KDM4C: variants seen among roughly 807,000 people sequenced by gnomAD.
KDM4C encodes lysine demethylase 4C.
KDM4C carries 81 observed loss-of-function variants against 129.3 expected under a neutral mutation model. The ratio of observed to expected loss-of-function variants is 0.63; its 90% CI spans 0.52 to 0.75. KDM4C has a LOEUF of 0.75. Among genes scored for constraint, KDM4C ranks in the 30% least tolerant of loss-of-function variants. The probability of loss-of-function intolerance (pLI) is 0.00; values close to 1 mark genes in which losing one functional copy is unlikely to be tolerated. For missense variants in KDM4C, 1,457 were observed against 1,304.0 expected (o/e 1.12, Z -1.81); for synonymous variants, 573 against 456.1 (o/e 1.26, Z -3.26).
At chr9:6,975,895 G>A (rs1310479290) in intron 8 of KDM4C, among the ~76,000 whole-genome samples, 2 of 152,122 alleles carry the variant, frequency 1.3e-5, no homozygotes, top group African/African-American at 4.8e-5. Context: ...AAAATTAGCC[G>A]AGCGTGGTGG....
At chr9:6,957,884 C>T (rs1047599980) in intron 8 of KDM4C, among the ~76,000 whole-genome samples, 11 of 152,028 alleles carry the variant, frequency 7.2e-5, no homozygotes, top group African/African-American at 1.9e-4. Flanking sequence ...AAACACAATT[C>T]GAGTACATAT....
chr9:6,721,743 C>T (rs888540160), intron 1 of KDM4C, among the ~76,000 whole-genome samples: 3 of 152,018 alleles, frequency 2.0e-5, no homozygotes, highest in Non-Finnish European at 4.4e-5. Context: ...TGCCTGCCGC[C>T]ACGCCCGGCT....
intron 15 of KDM4C, among the ~76,000 whole-genome samples, chr9:7,019,544 A>G (rs536006667): frequency 2.9e-4 from 44 of 151,770 alleles, no homozygotes; most frequent in Non-Finnish European, 5.9e-5. Context: ...ACGTGATTAT[A>G]CAACAAATTT....
chr9:6,975,076 C>G (rs932000770), intron 8 of KDM4C: 1 of 152,204 alleles, frequency 6.6e-6, no homozygotes, highest in Admixed American at 6.5e-5. Context: ...TCTCATGGGT[C>G]AGAAAGATTG....
At chr9:6,885,089 T>G (rs1229952817) in intron 6 of KDM4C, among the ~76,000 whole-genome samples, 2 of 152,218 alleles carry the variant, frequency 1.3e-5, no homozygotes, top group East Asian at 3.8e-4. Flanking sequence ...TACAGTGGTG[T>G]AATTAATAAA....
intron 5 of KDM4C, among the ~76,000 whole-genome samples, chr9:6,874,390 CT>C (rs1228780576): frequency 1.3e-5 from 2 of 152,080 alleles, no homozygotes; most frequent in Non-Finnish European, 2.9e-5. Context: ...TTTTAAAGGG[CT>C]TTTTACCTCC....
Position 6,729,992 on chromosome 9 carries a change from C to G in KDM4C, c.49+8995C>G, listed in dbSNP as rs1817265125. The stretch of plus-strand genomic sequence containing the variant: ...GGATGCGGTGGTGCACGCCTGTAGT[C>G]CGAACTACTCTGCAGGCTGAGGCAG... On this transcript the variant is annotated intron_variant, in intron 1 of 17. Coordinates refer to the KDM4C transcript ENST00000536108. 1.6e-5 allele frequency among the ~76,000 whole-genome samples: 2 copies of G among 127,954 alleles called. 1 individual carries two copies. 83.9% of individuals were successfully genotyped at this position (127,954 alleles called of 152,430 possible).
At chr9:7,148,261 A>T (rs1161752035) in intron 19 of KDM4C, among the ~76,000 whole-genome samples, 1 of 152,216 alleles carries the variant, frequency 6.6e-6, no homozygotes, top group Non-Finnish European at 1.5e-5. Context: ...TGGCTTGGGG[A>T]ACCTGAAGGT....
chr9:6,835,453 C>G (rs1482303390), intron 4 of KDM4C: 45 of 1,229,030 alleles, frequency 3.7e-5, no homozygotes, highest in East Asian at 7.0e-5. Context: ...TCCTCCTGAG[C>G]TCAAGCACTC....
intron 18 of KDM4C, among the ~76,000 whole-genome samples, chr9:7,116,420 A>T (rs568936560): frequency 6.6e-6 from 1 of 152,114 alleles, no homozygotes; most frequent in Non-Finnish European, 1.5e-5. Flanking sequence ...AATTGAGGTT[A>T]TATGGACCTT....
At chr9:7,045,128 CTT>C (rs1439799935) in intron 15 of KDM4C, among the ~76,000 whole-genome samples, 1 of 151,960 alleles carries the variant, frequency 6.6e-6, no homozygotes, top group Non-Finnish European at 1.5e-5. Flanking sequence ...TTTTAGAAGA[CTT>C]TTTCCTCTTG....
upstream of KDM4C, among the ~76,000 whole-genome samples, chr9:6,756,012 T>C (rs556561937): frequency 5.9e-5 from 9 of 152,350 alleles, no homozygotes; most frequent in East Asian, 1.7e-3. Flanking sequence ...AGTCATACTC[T>C]AATTCACAAT....
At chr9:6,959,457 T>C (rs754098375) in intron 8 of KDM4C, among the ~76,000 whole-genome samples, 1 of 152,222 alleles carries the variant, frequency 6.6e-6, no homozygotes. Context: ...GTATTTTAAG[T>C]GTACTCACTC....
chr9:6,823,987 C>A (rs991043982), intron 4 of KDM4C, among the ~76,000 whole-genome samples: 1 of 152,138 alleles, frequency 6.6e-6, no homozygotes, highest in Non-Finnish European at 1.5e-5. Flanking sequence ...TTAATGTGGG[C>A]GCTAGAAATA....
At chr9:6,734,851 C>G (rs1366316909) in intron 1 of KDM4C, 2 of 519,012 alleles carry the variant, frequency 3.9e-6, no homozygotes, top group Admixed American at 2.1e-5. Flanking sequence ...TGTTCTTACA[C>G]AAATGTTTTG....
At chr9:6,784,668 A>G (rs1197553384) in intron 1 of KDM4C, among the ~76,000 whole-genome samples, 1 of 152,256 alleles carries the variant, frequency 6.6e-6, no homozygotes, top group Non-Finnish European at 1.5e-5. Context: ...CAGGTGGAAC[A>G]AGATGGAGTG....
intron 4 of KDM4C, among the ~76,000 whole-genome samples, chr9:6,816,666 C>G (rs1470571601): frequency 6.6e-6 from 1 of 152,156 alleles, no homozygotes; most frequent in Non-Finnish European, 1.5e-5. Context: ...TTCCTTTGCC[C>G]CACATCCTCC....
intron 17 of KDM4C, among the ~76,000 whole-genome samples, chr9:7,066,846 C>A (rs1244976295): frequency 1.3e-5 from 2 of 152,148 alleles, no homozygotes; most frequent in Admixed American, 6.5e-5. Context: ...TAGGAAGAAG[C>A]CATCCAGAGA....
rs36055201 is a variant in KDM4C, at chr9:6,900,971, C to CT, written c.921+7750dup. 6.5e-3 allele frequency among the ~76,000 whole-genome samples: 497 copies of CT among 76,886 alleles called. 1 individual carries two copies. Among genetic ancestry groups the CT allele is most frequent in the African/African-American group, 0.012 (421 of 34,300 alleles). The allele number at this position is 76,886 out of a possible 152,430, so 50.4% of individuals were successfully genotyped here. The stretch of plus-strand genomic sequence containing the variant: ...GTAGCACTTTTGAAGCTTTAGGATT[C>CT]TTTTTTTTTTTAATGCCTTAGTTTG... On this transcript the variant is annotated intron_variant, in intron 8 of 21. Coordinates refer to ENST00000381309, the MANE Select transcript of KDM4C (RefSeq NM_015061.6).
Sources: allele counts gnomAD v4.1 joint callset (sites outside exome capture counted in the v4.1 genomes callset), GRCh38; gene constraint gnomAD v4.1.1; transcripts MANE v1.5; gene names NCBI Gene and HGNC (gene_info 2026-07-23, HGNC 2026-07-21).